The following MIA2 variants were observed in gnomAD, a reference collection of about 807,000 sequenced individuals.
MIA2 encodes the protein melanoma inhibitory activity protein 2.
A neutral mutation model predicts 167.8 loss-of-function variants in MIA2; 127 were observed. The ratio of observed to expected loss-of-function variants is 0.76; its 90% CI spans 0.66 to 0.88. The LOEUF is 0.88. Among genes scored for constraint, MIA2 ranks in the 40% least tolerant of loss-of-function variants. The probability of loss-of-function intolerance (pLI) is 0.00; values close to 1 mark genes in which losing one functional copy is unlikely to be tolerated. For missense variants in MIA2, 1,690 were observed against 1,624.7 expected (o/e 1.04, Z -0.69); for synonymous variants, 552 against 541.9 (o/e 1.02, Z -0.26).
At chr14:39,317,001 G>A (rs983752831) in intron 21 of MIA2, among the ~76,000 whole-genome samples, 1 of 152,194 alleles carries the variant, frequency 6.6e-6, no homozygotes, top group Non-Finnish European at 1.5e-5. Flanking sequence ...TGCGTATTTA[G>A]TGAAGTCTTC....
intron 23 of MIA2, among the ~76,000 whole-genome samples, chr14:39,363,621 A>G (rs968182599): frequency 2.2e-4 from 34 of 152,234 alleles, no homozygotes; most frequent in African/African-American, 7.7e-4. Flanking sequence ...GTCCGTAACT[A>G]TTACTGCATT....
intron 6 of MIA2, among the ~76,000 whole-genome samples, chr14:39,274,513 C>G (rs945529771): frequency 2.0e-5 from 3 of 150,032 alleles, no homozygotes; most frequent in Non-Finnish European, 4.4e-5. Flanking sequence ...ACTGTAGCCT[C>G]CTCCCGGGTT....
chr14:39,306,877 A>G (rs1430462437), intron 17 of MIA2, among the ~76,000 whole-genome samples: 1 of 152,184 alleles, frequency 6.6e-6, no homozygotes, highest in Admixed American at 6.5e-5. Flanking sequence ...AGAGGCGCTC[A>G]GAGTTGAGGT....
chr14:39,274,981 A>G (rs2057740896), intron 6 of MIA2, among the ~76,000 whole-genome samples: 1 of 149,988 alleles, frequency 6.7e-6, no homozygotes, highest in Admixed American at 6.6e-5. Context: ...AGGCTGAGGC[A>G]GGAGAATTGC....
At chr14:39,325,013 A>C (rs2067197033) in intron 24 of MIA2, among the ~76,000 whole-genome samples, 1 of 152,200 alleles carries the variant, frequency 6.6e-6, no homozygotes, top group Non-Finnish European at 1.5e-5. Flanking sequence ...GTTTGAGCCC[A>C]GGAGTTCAAG....
rs767179897 is a variant in MIA2 at position 39,247,921 on chromosome 14, C to T, written c.1347C>T (p.Asp449=). 4.6e-5 allele frequency: 73 copies of T among 1,595,460 alleles called. No individual in the cohort carries two copies. Among genetic ancestry groups the T allele is most frequent in the South Asian group, 1.0e-4 (9 of 86,078 alleles). Residue 449 remains aspartate (D), a synonymous_variant, in exon 4 of 29, where the codon GAC becomes GAT. Coordinates refer to ENST00000640607, the MANE Select transcript of MIA2 (RefSeq NM_001329214.4). The part of the protein sequence containing the change: ...IDKKPVSEKT[D]ESDTIPYLKK... ...AGAAACCAGTCTCAGAAAAAACAGA[C>T]GAATCTGATACTATACCATATTTGA...
chr14:39,382,233 G>A (rs1281582301), intron 23 of MIA2, among the ~76,000 whole-genome samples: 1 of 152,204 alleles, frequency 6.6e-6, no homozygotes, highest in Non-Finnish European at 1.5e-5. Flanking sequence ...TGGGAGATCA[G>A]GGATTCTCTG....
chr14:39,366,918 ATAGTT>A (rs2074834080), intron 23 of MIA2, among the ~76,000 whole-genome samples: 1 of 152,168 alleles, frequency 6.6e-6, no homozygotes, highest in Admixed American at 6.5e-5. Flanking sequence ...AACAGCAGAA[ATAGTT>A]CTCAGAGTGT....
intron 23 of MIA2, among the ~76,000 whole-genome samples, chr14:39,373,423 A>G (rs1251094067): frequency 6.6e-6 from 1 of 151,788 alleles, no homozygotes; most frequent in Non-Finnish European, 1.5e-5. Flanking sequence ...TTTAAAGTAT[A>G]TTTTAAAAAT....
intron 6 of MIA2, chr14:39,265,475 C>CT: frequency 6.9e-7 from 1 of 1,441,946 alleles, no homozygotes; most frequent in Non-Finnish European, 9.7e-7. Flanking sequence ...GAATTTTGCA[C>CT]TAAGTTTGTT....
chr14:39,363,485 C>T (rs368082354), intron 23 of MIA2, among the ~76,000 whole-genome samples: 9 of 152,120 alleles, frequency 5.9e-5, no homozygotes, highest in South Asian at 2.1e-4. Context: ...GCTGAGATTG[C>T]GCCTTTGTTC....
chr14:39,267,308 C>T, intron 6 of MIA2: 4 of 1,485,152 alleles, frequency 2.7e-6, no homozygotes, highest in South Asian at 2.6e-5. Flanking sequence ...CCCCTGTCCC[C>T]CAGCTCCCCC....
At chr14:39,345,816 G>A in intron 25 of MIA2, 88 bp from the exon 26 acceptor site, 1 of 1,126,142 alleles carries the variant, frequency 8.9e-7, no homozygotes, top group Non-Finnish European at 1.3e-6. Context: ...TAGAATACAG[G>A]TCAAAAGTGT....
intron 6 of MIA2, chr14:39,265,274 C>G (rs1041956778): frequency 5.0e-5 from 40 of 794,504 alleles, no homozygotes; most frequent in Non-Finnish European, 7.2e-5. Flanking sequence ...AAAACGGGAT[C>G]ACAGTGTGGA....
intron 25 of MIA2, among the ~76,000 whole-genome samples, chr14:39,330,664 T>C (rs984645757): frequency 6.6e-6 from 1 of 152,034 alleles, no homozygotes; most frequent in Non-Finnish European, 1.5e-5. Context: ...GTATGTTGTG[T>C]CTTTGTTCTC....
intron 21 of MIA2, among the ~76,000 whole-genome samples, chr14:39,316,741 T>G (rs1185882488): frequency 6.6e-6 from 1 of 152,160 alleles, no homozygotes; most frequent in Non-Finnish European, 1.5e-5. Context: ...TGGAGATGAA[T>G]TTAGTTAACC....
At chr14:39,342,343 A>T (rs571997985) in intron 25 of MIA2, among the ~76,000 whole-genome samples, 2 of 152,162 alleles carry the variant, frequency 1.3e-5, no homozygotes, top group African/African-American at 4.8e-5. Context: ...ACATGAACTC[A>T]TCATTTTTTA....
At chr14:39,301,041 CACACACACACA>C (rs2062403626) in intron 14 of MIA2, among the ~76,000 whole-genome samples, 1 of 1,392 alleles carries the variant, frequency 7.2e-4, no homozygotes, top group Non-Finnish European at 2.1e-3. Flanking sequence ...CATATACATA[CACACACACACA>C]CACACACACA....
At position 39,357,128 on chromosome 14, in the gene MIA2, ATCTG is replaced by A. The variant is rs1423154967; in HGVS notation, c.2248+8155_2248+8158del. On this transcript the variant is annotated intron_variant, in intron 23 of 23. Transcript: ENST00000341502. The stretch of plus-strand genomic sequence containing the variant: ...TCCTTGTTAACTTTCTGTCTCGTTG[ATCTG>A]TCTAATGTTGACAATGGGGTGTTAA... 2.6e-5 allele frequency among the ~76,000 whole-genome samples: 4 copies of A among 151,978 alleles called. No individual in the cohort carries two copies. In the East Asian group the frequency reaches 5.8e-4, roughly 22 times the overall value.
Sources: gnomAD v4.1 joint callset for allele counts (sites outside exome capture counted in the v4.1 genomes callset) on GRCh38, gnomAD v4.1.1 for gene constraint, MANE v1.5 for transcripts, NCBI Gene and HGNC (gene_info 2026-07-23, HGNC 2026-07-21) for gene names.